HEMK2: variants seen among roughly 807,000 people sequenced by gnomAD.
HEMK2 encodes the protein HemK methyltransferase 2, ETF1 glutamine and histone H4 lysine.
the HEMK2 span, among the ~76,000 whole-genome samples, chr21:28,610,843 A>C: frequency 6.6e-6 from 1 of 152,138 alleles, no homozygotes; most frequent in East Asian, 1.9e-4. Context: ...CCAACAGAAA[A>C]ATATCACAAT....
the HEMK2 span, among the ~76,000 whole-genome samples, chr21:28,759,119 G>A: frequency 6.6e-6 from 1 of 152,202 alleles, no homozygotes; most frequent in Non-Finnish European, 1.5e-5. Context: ...GCTCCAGTGG[G>A]TCCTGCACTT....
chr21:28,779,704 T>C, the HEMK2 span, among the ~76,000 whole-genome samples: 2 of 152,194 alleles, frequency 1.3e-5, no homozygotes, highest in Non-Finnish European at 2.9e-5. Flanking sequence ...TCTCTCTAGA[T>C]CTTTTCTATC....
At chr21:28,801,730 T>C in the HEMK2 span, among the ~76,000 whole-genome samples, 2 of 152,312 alleles carry the variant, frequency 1.3e-5, no homozygotes, top group South Asian at 2.1e-4. Flanking sequence ...ATGAAACTAA[T>C]TGTTAAAAAT....
the HEMK2 span, among the ~76,000 whole-genome samples, chr21:28,702,836 T>A: frequency 1.3e-5 from 2 of 152,154 alleles, no homozygotes; most frequent in African/African-American, 4.8e-5. Context: ...TATAAATCAT[T>A]CTACCATAAA....
chr21:28,704,373 C>T, the HEMK2 span, among the ~76,000 whole-genome samples: 2 of 152,122 alleles, frequency 1.3e-5, no homozygotes, highest in Non-Finnish European at 2.9e-5. Context: ...AGACTTCAAA[C>T]AAAACGCATG....
At chr21:28,744,127 A>C in the HEMK2 span, among the ~76,000 whole-genome samples, 1 of 151,978 alleles carries the variant, frequency 6.6e-6, no homozygotes, top group African/African-American at 2.4e-5. Context: ...GAAGAGAAAA[A>C]ACTATCTGAT....
chr21:28,832,747 G>A, the HEMK2 span, among the ~76,000 whole-genome samples: 1 of 152,166 alleles, frequency 6.6e-6, no homozygotes, highest in East Asian at 1.9e-4. Flanking sequence ...TAACATACAA[G>A]TGTTGCCCTA....
At chr21:28,578,217 A>G in the HEMK2 span, among the ~76,000 whole-genome samples, 1 of 152,190 alleles carries the variant, frequency 6.6e-6, no homozygotes, top group Non-Finnish European at 1.5e-5. Flanking sequence ...TTTTCTATCT[A>G]AAGCATGCTT....
chr21:28,817,048 G>T, the HEMK2 span, among the ~76,000 whole-genome samples: 1 of 152,108 alleles, frequency 6.6e-6, no homozygotes. Context: ...CAGTGAAAAA[G>T]AAAATGCTAA....
chr21:28,647,447 G>T, the HEMK2 span, among the ~76,000 whole-genome samples: 1 of 145,312 alleles, frequency 6.9e-6, no homozygotes, highest in Non-Finnish European at 1.5e-5. Context: ...GGCAGAGGTT[G>T]CAGTGAGCTG....
At chr21:28,638,541 T>C in the HEMK2 span, among the ~76,000 whole-genome samples, 1 of 152,186 alleles carries the variant, frequency 6.6e-6, no homozygotes, top group African/African-American at 2.4e-5. Context: ...TCTGATTTTG[T>C]TTTTAGTGGC....
At chr21:28,777,986 T>C in the HEMK2 span, among the ~76,000 whole-genome samples, 34 of 152,312 alleles carry the variant, frequency 2.2e-4, no homozygotes, top group African/African-American at 7.7e-4. Context: ...TTCTCAGTAG[T>C]AGAAAAGAAT....
the HEMK2 span, among the ~76,000 whole-genome samples, chr21:28,619,015 A>AG: frequency 6.6e-6 from 1 of 152,284 alleles, no homozygotes; most frequent in Admixed American, 6.5e-5. Flanking sequence ...TCACTAGCGT[A>AG]GGCCTTAACT....
At chr21:28,815,145 C>G in the HEMK2 span, among the ~76,000 whole-genome samples, 1 of 150,042 alleles carries the variant, frequency 6.7e-6, no homozygotes. Context: ...AAACCACACA[C>G]CGCATGTTCT....
At chr21:28,711,248 T>C in the HEMK2 span, among the ~76,000 whole-genome samples, 2 of 152,242 alleles carry the variant, frequency 1.3e-5, no homozygotes, top group Non-Finnish European at 1.5e-5. Context: ...ACGCTTTCAT[T>C]ATTGTATATG....
At chr21:28,577,902 C>T in the HEMK2 span, among the ~76,000 whole-genome samples, 2 of 152,330 alleles carry the variant, frequency 1.3e-5, no homozygotes, top group African/African-American at 2.4e-5. Flanking sequence ...GAAGACACCA[C>T]ATTTATATCG....
chr21:28,676,092 T>C, the HEMK2 span, among the ~76,000 whole-genome samples: 1 of 152,126 alleles, frequency 6.6e-6, no homozygotes, highest in Non-Finnish European at 1.5e-5. Context: ...GCTAGCAAGG[T>C]AGAATTTGAA....
the HEMK2 span, among the ~76,000 whole-genome samples, chr21:28,814,673 A>G: frequency 6.6e-6 from 1 of 152,200 alleles, no homozygotes; most frequent in Non-Finnish European, 1.5e-5. Context: ...AATCAAAACC[A>G]CAACGAGATA....
the HEMK2 span, among the ~76,000 whole-genome samples, chr21:28,831,672 A>G: frequency 1.6e-5 from 1 of 62,584 alleles, no homozygotes; most frequent in African/African-American, 7.7e-5. Context: ...AGAAAGAAAG[A>G]AAGAAAGAAA....
Sources: allele counts gnomAD v4.1 joint callset (sites outside exome capture counted in the v4.1 genomes callset), GRCh38; gene constraint gnomAD v4.1.1; transcripts MANE v1.5; gene names NCBI Gene and HGNC (gene_info 2026-07-23, HGNC 2026-07-21).